Variants in WDR72 observed in about 807,000 individuals in gnomAD.
WDR72 encodes the protein WD repeat domain 72.
In WDR72, 120 loss-of-function variants were observed where a neutral mutation model predicts 124.2. The ratio of observed to expected loss-of-function variants is 0.97; its 90% confidence interval spans 0.83 to 1.12. The LOEUF (loss-of-function observed/expected upper bound fraction) is 1.12. WDR72 is among the 50% of genes most tolerant of loss of function. The pLI is 0.00. For synonymous variants in WDR72, 452 were observed against 441.7 expected, an observed-to-expected ratio of 1.02 and a Z score of -0.29; for missense variants, 1,387 against 1,278.8, an observed-to-expected ratio of 1.08 and a Z score of -1.29.
chr15:53,708,660 G>T (rs759615134), intron 9 of WDR72, among the ~76,000 whole-genome samples: 1 of 151,970 alleles, frequency 6.6e-6, no homozygotes, highest in Non-Finnish European at 1.5e-5. Context: ...CAATAATAAG[G>T]ACTCAAATGA....
chr15:53,530,938 G>A (rs575633546), intron 18 of WDR72, among the ~76,000 whole-genome samples: 42 of 152,150 alleles, frequency 2.8e-4, no homozygotes, highest in African/African-American at 9.4e-4. Flanking sequence ...GAGAATAGTT[G>A]GCAGGCAGTC....
chr15:53,733,351 G>A (rs2018259198), intron 1 of WDR72, among the ~76,000 whole-genome samples, 190 bp from the exon 2 acceptor site: 1 of 152,184 alleles, frequency 6.6e-6, no homozygotes, highest in Non-Finnish European at 1.5e-5. Context: ...CATGCACACT[G>A]CTAATTCATC....
At chr15:53,533,503 G>C (rs12442507) in intron 18 of WDR72, among the ~76,000 whole-genome samples, 1 of 152,042 alleles carries the variant, frequency 6.6e-6, no homozygotes, top group Admixed American at 6.5e-5. Context: ...CTAAAACCAA[G>C]GTCTGATCAT....
intron 18 of WDR72, among the ~76,000 whole-genome samples, chr15:53,578,277 A>G (rs2011720584): frequency 2.0e-5 from 3 of 152,124 alleles, no homozygotes; most frequent in Admixed American, 6.6e-5. Flanking sequence ...GTGGTGTGAC[A>G]GAAGTACAGG....
At chr15:53,653,047 C>T (rs992373403) in intron 14 of WDR72, among the ~76,000 whole-genome samples, 2 of 152,228 alleles carry the variant, frequency 1.3e-5, no homozygotes, top group South Asian at 4.1e-4. Flanking sequence ...AACCAAGTCA[C>T]ATGTAAACCT....
chr15:53,571,448 C>T (rs1056714529), intron 18 of WDR72, among the ~76,000 whole-genome samples: 1 of 151,928 alleles, frequency 6.6e-6, no homozygotes, highest in East Asian at 1.9e-4. Context: ...TAAAATTTCA[C>T]ATAAAAGTGA....
intron 3 of WDR72, among the ~76,000 whole-genome samples, chr15:53,720,077 A>G (rs1251750032): frequency 6.6e-6 from 1 of 151,966 alleles, no homozygotes; most frequent in Non-Finnish European, 1.5e-5. Context: ...TATTCTACTA[A>G]TTTATTTTGT....
intron 18 of WDR72, among the ~76,000 whole-genome samples, chr15:53,572,233 T>C (rs1485178449): frequency 6.6e-6 from 1 of 152,190 alleles, no homozygotes; most frequent in Admixed American, 6.6e-5. Context: ...ATCCCACTTG[T>C]TTATTTTTGC....
rs925563718 is a variant in WDR72, at chr15:53,712,831, T to C, written c.652A>G (p.Ile218Val). 2 of 1,613,770 alleles carry C rather than the reference T, an allele frequency of 1.2e-6. No individual in the cohort carries two copies. Among genetic ancestry groups the C allele is most frequent in the Non-Finnish European group, 1.7e-6 (2 of 1,179,906 alleles). Residue 218 changes from isoleucine (I) to valine (V), a missense_variant, in exon 7 of 20, where the codon ATT becomes GTT. By Grantham distance (29) the Ile-to-Val change is conservative. Coordinates refer to ENST00000360509, the MANE Select transcript of WDR72 (RefSeq NM_182758.4). ...KFLESLNCQT[I>V]RFCTYTERLL... The stretch of plus-strand genomic sequence containing the variant: ...CTCTCAGTATATGTGCAAAATCGAA[T>C]TGTCTGGCAGTTCAAGGACTCAAGA...
chr15:53,683,762 T>C (rs1416714987), intron 13 of WDR72, among the ~76,000 whole-genome samples: 3 of 152,128 alleles, frequency 2.0e-5, no homozygotes, highest in African/African-American at 7.2e-5. Flanking sequence ...GATACATCTA[T>C]AAATCTCATA....
intron 19 of WDR72, among the ~76,000 whole-genome samples, chr15:53,518,082 T>C (rs1270989307): frequency 6.6e-6 from 1 of 151,998 alleles, no homozygotes; most frequent in African/African-American, 2.4e-5. Flanking sequence ...ATAAGAAAAA[T>C]TTAGTTTGAA....
intron 18 of WDR72, among the ~76,000 whole-genome samples, chr15:53,537,546 T>C (rs1892827381): frequency 6.6e-6 from 1 of 152,168 alleles, no homozygotes; most frequent in Non-Finnish European, 1.5e-5. Flanking sequence ...TTTACCTTTC[T>C]GTCTCTGTTT....
chr15:53,657,284 A>G (rs1326022669), intron 14 of WDR72, among the ~76,000 whole-genome samples: 3 of 150,588 alleles, frequency 2.0e-5, no homozygotes, highest in East Asian at 3.9e-4. Flanking sequence ...AAAAAAAAAA[A>G]AAAAAGAAAG....
intron 14 of WDR72, among the ~76,000 whole-genome samples, 183 bp from the exon 15 acceptor site, chr15:53,616,426 T>C (rs2013769764): frequency 1.3e-5 from 2 of 151,974 alleles, no homozygotes; most frequent in African/African-American, 4.8e-5. Flanking sequence ...TATTCTAACA[T>C]TCTTTGAAGA....
At chr15:53,672,338 T>A (rs1595837059) in intron 13 of WDR72, among the ~76,000 whole-genome samples, 1 of 134,212 alleles carries the variant, frequency 7.5e-6, no homozygotes, top group South Asian at 2.3e-4. Flanking sequence ...CCACTCCAAG[T>A]GAATTTGGAG....
intron 3 of WDR72, among the ~76,000 whole-genome samples, chr15:53,722,331 G>A (rs757863963): frequency 2.6e-5 from 4 of 152,120 alleles, no homozygotes; most frequent in Admixed American, 1.3e-4. Flanking sequence ...CACCGTGCCC[G>A]GCCTGTTAGT....
intron 18 of WDR72, among the ~76,000 whole-genome samples, chr15:53,579,291 G>C (rs1048329921): frequency 6.6e-5 from 10 of 152,060 alleles, no homozygotes; most frequent in African/African-American, 2.4e-4. Flanking sequence ...CCCCAGGACA[G>C]GTTACTGAAA....
intron 13 of WDR72, 121 bp from the exon 14 acceptor site, chr15:53,665,889 T>C: frequency 1.0e-6 from 1 of 954,758 alleles, no homozygotes; most frequent in South Asian, 1.5e-5. Context: ...CTTAGTATCT[T>C]GCAACTGAAA....
chr15:53,657,499 A>G (rs1398935489), intron 14 of WDR72, among the ~76,000 whole-genome samples: 4 of 152,106 alleles, frequency 2.6e-5, no homozygotes, highest in Admixed American at 2.0e-4. Context: ...TAAAATGCCT[A>G]AAATGTTAAA....
Sources: gnomAD v4.1 joint callset for allele counts (sites outside exome capture counted in the v4.1 genomes callset) on GRCh38, gnomAD v4.1.1 for gene constraint, MANE v1.5 for transcripts, NCBI Gene and HGNC (gene_info 2026-07-23, HGNC 2026-07-21) for gene names.